ZNF729: variants seen among roughly 807,000 people sequenced by gnomAD.
The protein encoded by ZNF729 is zinc finger protein 729.
In ZNF729, 15 loss-of-function variants were observed where a neutral mutation model predicts 12.2. The observed-to-expected ratio is 1.23, with a 90% CI of 0.82 to 1.89. The LOEUF is 1.89. Among genes scored for constraint, ZNF729 ranks in the 40% most tolerant of loss-of-function variants. The pLI is 0.00. For missense variants in ZNF729, 1,540 were observed against 1,456.7 expected (o/e 1.06, Z -0.93); for synonymous variants, 492 against 476.3 (o/e 1.03, Z -0.43).
At chr19:22,300,100 A>C (rs1420388318) in intron 1 of ZNF729, among the ~76,000 whole-genome samples, 5 of 152,204 alleles carry the variant, frequency 3.3e-5, no homozygotes, top group African/African-American at 4.8e-5. Flanking sequence ...TTTTTGTAGG[A>C]GATTGAGAGC....
Position 22,315,894 on chromosome 19 carries a change from G to A in ZNF729, c.2477G>A (p.Cys826Tyr). ...CATACTGGAGAGAAACCCTGCAAAT[G>A]TGAAGAATGTGGCAAAGCTTTTAAG... ...VIHTGEKPCKCEECGKAFKHF... is the reference protein window; with the variant it reads ...VIHTGEKPCKYEECGKAFKHF... Residue 826 changes from cysteine (C) to tyrosine (Y), a missense_variant, in exon 4 of 4, where the codon TGT becomes TAT. Coordinates refer to ENST00000601693, the MANE Select transcript of ZNF729 (RefSeq NM_001242680.2). 1 of 1,611,148 alleles carries A rather than the reference G, an allele frequency of 6.2e-7. No individual in the cohort carries two copies. The highest frequency in any genetic ancestry group is 1.1e-5 in the South Asian group (1 of 91,070).
At chr19:22,295,038 T>TTTG in intron 1 of ZNF729, among the ~76,000 whole-genome samples, 1 of 144,132 alleles carries the variant, frequency 6.9e-6, no homozygotes, top group African/African-American at 2.6e-5. Context: ...TCCTAGATAT[T>TTTG]TGTGTGTGTG....
At chr19:22,291,297 G>T (rs56295712) in intron 1 of ZNF729, among the ~76,000 whole-genome samples, 1 of 152,016 alleles carries the variant, frequency 6.6e-6, no homozygotes, top group Non-Finnish European at 1.5e-5. Context: ...ATCTCCTCCC[G>T]GGGTGAGAGA....
Position 22,304,789 on chromosome 19 carries a change from TGA to T in ZNF729, c.253+10_253+11del, listed in dbSNP as rs1568574455. The T allele has an allele frequency of 6.2e-7, 1 of 1,611,984 alleles. No individual in the cohort carries two copies. On this transcript the variant is annotated splice_region_variant and intron_variant, in intron 3 of 3. Coordinates refer to ENST00000601693, the MANE Select transcript of ZNF729 (RefSeq NM_001242680.2). Reference sequence around the variant, plus strand: ...GATGGTAACTAAACCCCCAGGTATGTGAGAGTGAATACAACAGACAACACAGA... The same window carrying T: ...GATGGTAACTAAACCCCCAGGTATGTGAGTGAATACAACAGACAACACAGA...
chr19:22,302,217 A>G (rs1171734581), intron 1 of ZNF729, among the ~76,000 whole-genome samples: 1 of 152,312 alleles, frequency 6.6e-6, no homozygotes, highest in Non-Finnish European at 1.5e-5. Context: ...AGGTCCTGAG[A>G]CTCAAACAGG....
chr19:22,293,262 G>A (rs538192553), intron 1 of ZNF729, among the ~76,000 whole-genome samples: 7 of 152,038 alleles, frequency 4.6e-5, no homozygotes, highest in Admixed American at 2.0e-4. Context: ...CTCAGCAAAC[G>A]GCAATCTTCA....
At chr19:22,306,105 A>C (rs1968374069) in intron 3 of ZNF729, among the ~76,000 whole-genome samples, 1 of 151,930 alleles carries the variant, frequency 6.6e-6, no homozygotes, top group Non-Finnish European at 1.5e-5. Flanking sequence ...TCTTTTTATT[A>C]AGTAGTTTAA....
At chr19:22,295,680 G>A (rs1272323584) in intron 1 of ZNF729, among the ~76,000 whole-genome samples, 3 of 152,102 alleles carry the variant, frequency 2.0e-5, no homozygotes, top group African/African-American at 4.8e-5. Flanking sequence ...GATTACAGGC[G>A]TGAGCCACCG....
intron 1 of ZNF729, among the ~76,000 whole-genome samples, chr19:22,302,088 A>G (rs941205284): frequency 4.6e-5 from 7 of 152,302 alleles, no homozygotes; most frequent in African/African-American, 1.2e-4. Context: ...CTTCTGTCTC[A>G]GTATAAGAGA....
Position 22,289,832 on chromosome 19 carries a change from A to C in ZNF729, c.30+3277A>C, listed in dbSNP as rs541241232. Among the ~76,000 whole-genome samples the C allele has an allele frequency of 1.1e-4, 17 of 152,266 alleles. No homozygotes were observed. The East Asian group carries it at 3.1e-3, about 28-fold the overall frequency. On this transcript the variant is annotated intron_variant, in intron 1 of 3. Transcript: ENST00000601693. ...ATATTGCTGTCTGAGTTTCATGCTA[A>C]ATTTTATGAGCTGAAACTTTGTACC...
In ZNF729 at chr19:22,304,671, T is replaced by A. The variant is rs113594810; in HGVS notation, c.158-17T>A. On this transcript the variant is annotated splice_polypyrimidine_tract_variant and intron_variant, in intron 2 of 3. Transcript: ENST00000601693. ...TAATATGACCAATATTTATGTTATT[T>A]ATTTTTAATAAAACAGGTATGGCTG... 7,375 of 1,593,844 alleles carry A rather than the reference T, an allele frequency of 4.6e-3. 285 individuals carry two copies. In the African/African-American group the frequency reaches 0.087, roughly 19 times the overall value.
chr19:22,308,715 G>T (rs1356799127), intron 3 of ZNF729, among the ~76,000 whole-genome samples: 1 of 151,954 alleles, frequency 6.6e-6, no homozygotes, highest in East Asian at 1.9e-4. Context: ...GTTTTGATGG[G>T]ATTGTTTTTT....
At chr19:22,297,326 C>A (rs2145045200) in intron 1 of ZNF729, among the ~76,000 whole-genome samples, 2 of 150,782 alleles carry the variant, frequency 1.3e-5, no homozygotes, top group South Asian at 4.2e-4. Context: ...CAAGTGCACA[C>A]AGTGTGCCCA....
intron 1 of ZNF729, 150 bp downstream of exon 1, chr19:22,286,705 C>T: frequency 9.5e-7 from 1 of 1,048,306 alleles, no homozygotes; most frequent in East Asian, 2.4e-5. Context: ...TCTCCTTCAG[C>T]CATAAGATGG....
chr19:22,298,005 C>CAAAAAAAA (rs34435303), intron 1 of ZNF729, among the ~76,000 whole-genome samples: 77 of 68,088 alleles, frequency 1.1e-3, no homozygotes, highest in East Asian at 3.1e-3. Context: ...AACTCCATCT[C>CAAAAAAAA]AAAAAAAAAA....
Position 22,314,726 on chromosome 19 carries a change from T to C in ZNF729, c.1309T>C (p.Cys437Arg). Reference sequence around the variant, plus strand: ...AAAGAAACCCTACAAATGTGAAGAATGTGGCAAAGCTTTTAACAGTTCCTC... The same window carrying C: ...AAAGAAACCCTACAAATGTGAAGAACGTGGCAAAGCTTTTAACAGTTCCTC... ...TGKKPYKCEECGKAFNSSSTL... is the reference protein window; with the variant it reads ...TGKKPYKCEERGKAFNSSSTL... The change falls in exon 4 of 4, where the codon TGT becomes CGT. Residue 437 changes from cysteine (C) to arginine (R), a missense_variant. Coordinates refer to ENST00000601693, the MANE Select transcript of ZNF729 (RefSeq NM_001242680.2). 2 of 1,613,452 alleles carry C rather than the reference T, an allele frequency of 1.2e-6. No individual in the cohort carries two copies. The highest frequency in any genetic ancestry group is 1.7e-6 in the Non-Finnish European group (2 of 1,179,884).
At chr19:22,308,928 C>G (rs1251483191) in intron 3 of ZNF729, among the ~76,000 whole-genome samples, 2 of 152,076 alleles carry the variant, frequency 1.3e-5, no homozygotes, top group Non-Finnish European at 2.9e-5. Flanking sequence ...CCTAATTTAT[C>G]TTTGTTTTTA....
chr19:22,291,019 G>T (rs1005161969), intron 1 of ZNF729, among the ~76,000 whole-genome samples: 1 of 152,148 alleles, frequency 6.6e-6, no homozygotes, highest in African/African-American at 2.4e-5. Flanking sequence ...TATGGGGTTT[G>T]TGACTGGCAT....
At chr19:22,306,664 C>A in intron 3 of ZNF729, among the ~76,000 whole-genome samples, 1 of 150,954 alleles carries the variant, frequency 6.6e-6, no homozygotes, top group Admixed American at 6.6e-5. Context: ...AAGATTAAAT[C>A]AGTATGTTTT....
Sources: gnomAD v4.1 joint callset for allele counts (sites outside exome capture counted in the v4.1 genomes callset) on GRCh38, gnomAD v4.1.1 for gene constraint, MANE v1.5 for transcripts, NCBI Gene and HGNC (gene_info 2026-07-23, HGNC 2026-07-21) for gene names.